The following PATJ variants were observed in gnomAD, a reference collection of about 807,000 sequenced individuals.
The protein encoded by PATJ is PATJ crumbs cell polarity complex component, also known as inaD-like protein.
Under a neutral mutation model 224.9 loss-of-function variants are expected in PATJ, and 190 were observed. The observed-to-expected ratio is 0.84, with a 90% CI of 0.75 to 0.95. The LOEUF (loss-of-function observed/expected upper bound fraction) is 0.95, where lower values mean the gene tolerates loss of function less well. Among genes scored for constraint, PATJ ranks in the 40% least tolerant of loss-of-function variants. The pLI is 0.00. For missense variants in PATJ, 2,121 were observed against 2,270.3 expected, an observed-to-expected ratio of 0.93 and a Z score of 1.34; for synonymous variants, 769 against 820.3, an observed-to-expected ratio of 0.94 and a Z score of 1.07.
intron 18 of PATJ, among the ~76,000 whole-genome samples, chr1:61,859,287 G>A (rs903145126): frequency 4.6e-5 from 7 of 152,292 alleles, no homozygotes; most frequent in Admixed American, 3.9e-4. Context: ...TACTCTGAGA[G>A]TGTTTTGGAA....
chr1:61,996,874 C>T (rs1380986617), intron 28 of PATJ, among the ~76,000 whole-genome samples: 1 of 151,314 alleles, frequency 6.6e-6, no homozygotes, highest in African/African-American at 2.4e-5. Flanking sequence ...TCCCGAGTAC[C>T]TGGGATTACA....
At chr1:61,954,439 A>G (rs1447554393) in intron 27 of PATJ, among the ~76,000 whole-genome samples, 3 of 152,168 alleles carry the variant, frequency 2.0e-5, no homozygotes, top group African/African-American at 7.2e-5. Context: ...CTTTGATTTC[A>G]GTAGTTTTAT....
chr1:62,040,872 C>T (rs1398254277), intron 30 of PATJ, among the ~76,000 whole-genome samples: 1 of 152,064 alleles, frequency 6.6e-6, no homozygotes, highest in African/African-American at 2.4e-5. Flanking sequence ...CTCATAGGTT[C>T]TTAGTTGGAA....
At chr1:62,144,769 A>ATATATATAT (rs1180544696) in intron 41 of PATJ, among the ~76,000 whole-genome samples, 11 of 58,724 alleles carry the variant, frequency 1.9e-4, no homozygotes, top group African/African-American at 7.2e-4. Flanking sequence ...TTATTTGCAA[A>ATATATATAT]AAAAAAAAAT....
intron 43 of PATJ, among the ~76,000 whole-genome samples, chr1:62,154,839 G>A (rs1402401740): frequency 6.6e-6 from 1 of 152,068 alleles, no homozygotes; most frequent in Non-Finnish European, 1.5e-5. Flanking sequence ...TTAGTCATTT[G>A]GCATTTACTT....
chr1:62,157,489 G>C (rs1219465864), intron 43 of PATJ, among the ~76,000 whole-genome samples: 1 of 148,962 alleles, frequency 6.7e-6, no homozygotes, highest in Non-Finnish European at 1.5e-5. Flanking sequence ...TGACTAATAG[G>C]CTGTCAAGTC....
At chr1:61,952,500 G>A in intron 27 of PATJ, 2 of 701,702 alleles carry the variant, frequency 2.9e-6, no homozygotes, top group African/African-American at 1.7e-5. Context: ...TGGTTTTAAA[G>A]GTTTAGACAA....
At chr1:61,814,478 A>G (rs1655630191) in intron 14 of PATJ, among the ~76,000 whole-genome samples, 1 of 151,420 alleles carries the variant, frequency 6.6e-6, no homozygotes, top group African/African-American at 2.4e-5. Context: ...TGTTAGCTAC[A>G]TATTTATGTA....
intron 27 of PATJ, among the ~76,000 whole-genome samples, chr1:61,935,036 A>G (rs1014487262): frequency 6.6e-6 from 1 of 152,182 alleles, no homozygotes; most frequent in Non-Finnish European, 1.5e-5. Context: ...GATCACTTTG[A>G]TCCCAGAGGT....
chr1:61,900,518 C>T (rs994764424), intron 23 of PATJ, among the ~76,000 whole-genome samples: 1 of 152,188 alleles, frequency 6.6e-6, no homozygotes, highest in African/African-American at 2.4e-5. Context: ...CAACGAGCCA[C>T]TCAGTGGCTA....
intron 27 of PATJ, among the ~76,000 whole-genome samples, chr1:61,964,638 A>G (rs1681812229): frequency 6.6e-6 from 1 of 151,484 alleles, no homozygotes; most frequent in African/African-American, 2.4e-5. Context: ...AAAATACAAA[A>G]ATTAACTGGG....
At chr1:61,889,949 G>A (rs895510359) in intron 22 of PATJ, among the ~76,000 whole-genome samples, 2 of 152,080 alleles carry the variant, frequency 1.3e-5, no homozygotes, top group Admixed American at 6.5e-5. Context: ...TTCAGACCTC[G>A]CCTGGTTTCA....
chr1:62,000,905 C>G lies in PATJ; in HGVS notation c.3867+10541C>G, dbSNP rs1236271347. On this transcript the variant is annotated intron_variant, in intron 28 of 43. Transcript: ENST00000642238. The stretch of plus-strand genomic sequence containing the variant: ...GATTGCCATTCTAACTGGTATGAGA[C>G]GGTATCTCATTGTGGTTTTGATTTG... 2.0e-5 allele frequency among the ~76,000 whole-genome samples: 3 copies of G among 147,062 alleles called. No homozygotes were observed. In the South Asian group the frequency reaches 6.4e-4, roughly 31 times the overall value.
intron 29 of PATJ, among the ~76,000 whole-genome samples, chr1:62,036,887 A>G (rs1650503698): frequency 6.7e-6 from 1 of 150,154 alleles, no homozygotes; most frequent in Non-Finnish European, 1.5e-5. Context: ...AAAAAGAAGG[A>G]AGAAAGGAAG....
chr1:61,961,986 G>A (rs2498964), intron 27 of PATJ, among the ~76,000 whole-genome samples: 131,253 of 145,108 alleles, frequency 0.9, 59,522 homozygotes, highest in South Asian at 0.97. Flanking sequence ...AAAAAAAAAA[G>A]AAAGAAAAGA....
intron 31 of PATJ, among the ~76,000 whole-genome samples, chr1:62,075,825 G>A (rs1658195984): frequency 6.6e-6 from 1 of 151,970 alleles, no homozygotes; most frequent in African/African-American, 2.4e-5. Context: ...GGCTGAGGCA[G>A]GAGAATGATG....
At chr1:62,085,955 G>A (rs1166414754) in intron 33 of PATJ, among the ~76,000 whole-genome samples, 1 of 151,538 alleles carries the variant, frequency 6.6e-6, no homozygotes, top group Non-Finnish European at 1.5e-5. Context: ...GTGTTTCCTG[G>A]GATGATTGAC....
chr1:61,965,272 T>G lies in PATJ; in HGVS notation c.3671-24896T>G, dbSNP rs568882542. ...TTTATTCATCTTAAGGACACATGGC[T>G]AATGCCTACCTCAAAAATTAGTTTC... On this transcript the variant is annotated intron_variant, in intron 27 of 43. Transcript: ENST00000642238. Among the ~76,000 whole-genome samples, 3 of 151,668 alleles carry G rather than the reference T, an allele frequency of 2.0e-5. No individual in the cohort carries two copies. The East Asian group carries it at 5.9e-4, about 30-fold the overall frequency.
At chr1:61,980,812 G>A (rs1335542826) in intron 27 of PATJ, among the ~76,000 whole-genome samples, 3 of 152,082 alleles carry the variant, frequency 2.0e-5, no homozygotes, top group Non-Finnish European at 1.5e-5. Context: ...CCATGCACAG[G>A]AGGAGTGCTA....
Sources: gnomAD v4.1 joint callset for allele counts (sites outside exome capture counted in the v4.1 genomes callset) on GRCh38, gnomAD v4.1.1 for gene constraint, MANE v1.5 for transcripts, NCBI Gene and HGNC (gene_info 2026-07-23, HGNC 2026-07-21) for gene names.